Variants in NDST4 observed in about 807,000 individuals in gnomAD.
The protein encoded by NDST4 is N-heparan sulfate sulfotransferase 4.
In NDST4, 63 loss-of-function variants were observed where a neutral mutation model predicts 100.8. The ratio of observed to expected loss-of-function variants is 0.62; its 90% CI spans 0.51 to 0.77. The LOEUF (loss-of-function observed/expected upper bound fraction) is 0.77, where lower values mean the gene tolerates loss of function less well. Among genes scored for constraint, NDST4 ranks in the 30% least tolerant of loss-of-function variants. The probability of loss-of-function intolerance (pLI) is 0.00; values close to 1 mark genes in which losing one functional copy is unlikely to be tolerated. For synonymous variants in NDST4, 377 were observed against 361.8 expected (o/e 1.04, Z -0.48); for missense variants, 943 against 1,018.4 (o/e 0.93, Z 1.01).
chr4:114,863,899 AC>A (rs1235935590), intron 7 of NDST4, among the ~76,000 whole-genome samples: 1 of 152,242 alleles, frequency 6.6e-6, no homozygotes, highest in Non-Finnish European at 1.5e-5. Flanking sequence ...GGGCAGAAGC[AC>A]CCTTGGATAT....
chr4:114,863,112 T>C (rs180877226), intron 7 of NDST4, among the ~76,000 whole-genome samples: 1 of 152,340 alleles, frequency 6.6e-6, no homozygotes, highest in Admixed American at 6.5e-5. Flanking sequence ...AGACTTTTCC[T>C]ACTCTGACTT....
At chr4:114,887,253 A>T (rs1369725369) in intron 6 of NDST4, among the ~76,000 whole-genome samples, 1 of 152,210 alleles carries the variant, frequency 6.6e-6, no homozygotes, top group Non-Finnish European at 1.5e-5. Flanking sequence ...AAGTGGCAGC[A>T]AACTCTTTGT....
intron 2 of NDST4, among the ~76,000 whole-genome samples, chr4:114,977,937 T>C (rs2126244499): frequency 6.6e-6 from 1 of 152,146 alleles, no homozygotes; most frequent in Non-Finnish European, 1.5e-5. Flanking sequence ...GGAATTATAC[T>C]ATGTGAAAGT....
At chr4:114,838,609 GT>G (rs1283155014) in intron 11 of NDST4, among the ~76,000 whole-genome samples, 1 of 152,146 alleles carries the variant, frequency 6.6e-6, no homozygotes. Context: ...ATAAGTGGGA[GT>G]TGAACAATGA....
chr4:114,996,720 A>G (rs1411714263), intron 2 of NDST4, among the ~76,000 whole-genome samples: 5 of 152,090 alleles, frequency 3.3e-5, no homozygotes, highest in African/African-American at 1.2e-4. Flanking sequence ...AAGAAGACCG[A>G]TACTAAAAAT....
At chr4:114,971,790 C>T (rs2126241479) in intron 3 of NDST4, among the ~76,000 whole-genome samples, 1 of 152,172 alleles carries the variant, frequency 6.6e-6, no homozygotes, top group African/African-American at 2.4e-5. Flanking sequence ...ATGAGAGTAG[C>T]TCCATGAAAG....
intron 1 of NDST4, among the ~76,000 whole-genome samples, chr4:115,096,484 C>A (rs1224760584): frequency 2.6e-5 from 4 of 151,896 alleles, no homozygotes; most frequent in African/African-American, 9.7e-5. Context: ...TCATAGAGAG[C>A]ACAGTAGCAA....
At chr4:115,015,673 A>G (rs1173715847) in intron 2 of NDST4, among the ~76,000 whole-genome samples, 1 of 152,096 alleles carries the variant, frequency 6.6e-6, no homozygotes, top group Non-Finnish European at 1.5e-5. Flanking sequence ...ATAACCAAGT[A>G]GATAGTACTA....
At chr4:114,898,616 C>G (rs1336830247) in intron 6 of NDST4, among the ~76,000 whole-genome samples, 1 of 152,154 alleles carries the variant, frequency 6.6e-6, no homozygotes, top group East Asian at 1.9e-4. Flanking sequence ...TGTGCCGAAT[C>G]AAGTTGGGAG....
chr4:115,096,845 A>G (rs975397167), intron 1 of NDST4, among the ~76,000 whole-genome samples: 1 of 152,072 alleles, frequency 6.6e-6, no homozygotes, highest in African/African-American at 2.4e-5. Flanking sequence ...ACCTACTCCA[A>G]TCAGGCTTAC....
chr4:114,970,379 C>A (rs1301013926), intron 4 of NDST4, 51 bp downstream of exon 4: 1 of 1,525,172 alleles, frequency 6.6e-7, no homozygotes, highest in Non-Finnish European at 9.0e-7. Context: ...ACACTTCCAC[C>A]ACAAGATCAC....
intron 10 of NDST4, among the ~76,000 whole-genome samples, chr4:114,841,309 A>G: frequency 6.6e-6 from 1 of 152,328 alleles, no homozygotes; most frequent in African/African-American, 2.4e-5. Context: ...TGACATTTGT[A>G]GGAGTTTCTG....
At chr4:114,870,985 A>G (rs943557470) in intron 6 of NDST4, 35 bp from the exon 7 acceptor site, 2 of 1,554,896 alleles carry the variant, frequency 1.3e-6, no homozygotes, top group Non-Finnish European at 1.8e-6. Flanking sequence ...CAAAAATATC[A>G]TATGCTTAAG....
chr4:115,111,598 A>G (rs927672022), intron 1 of NDST4, among the ~76,000 whole-genome samples: 4 of 151,730 alleles, frequency 2.6e-5, no homozygotes, highest in African/African-American at 9.7e-5. Context: ...TATTTGCATT[A>G]ATCAATTTAA....
intron 2 of NDST4, among the ~76,000 whole-genome samples, chr4:115,021,344 T>C (rs149369957): frequency 4.7e-4 from 67 of 141,090 alleles, no homozygotes; most frequent in African/African-American, 1.7e-3. Context: ...ACATATTCCA[T>C]ATATACATAT....
intron 2 of NDST4, among the ~76,000 whole-genome samples, chr4:115,011,786 C>T (rs1038782070): frequency 6.6e-6 from 1 of 151,684 alleles, no homozygotes; most frequent in African/African-American, 2.4e-5. Flanking sequence ...CACATGGAAG[C>T]CAAATAACAG....
chr4:114,927,212 T>G (rs1174872220), intron 6 of NDST4, among the ~76,000 whole-genome samples: 1 of 132,360 alleles, frequency 7.6e-6, no homozygotes, highest in Non-Finnish European at 1.5e-5. Flanking sequence ...AAAATTAACT[T>G]GATTTGTGTG....
At position 114,869,213 on chromosome 4, in the gene NDST4, A is replaced by G. The variant is rs377334674; in HGVS notation, c.1719+1555T>C. Reference sequence around the variant, plus strand: ...TAATAAATACAATTCTTTATCTTAAAAATTTCAAATAATATCAAGAAATTT... The same window carrying G: ...TAATAAATACAATTCTTTATCTTAAGAATTTCAAATAATATCAAGAAATTT... On this transcript the variant is annotated intron_variant, in intron 7 of 13. Coordinates refer to ENST00000264363, the MANE Select transcript of NDST4 (RefSeq NM_022569.3). 7.9e-5 allele frequency among the ~76,000 whole-genome samples: 12 copies of G among 151,768 alleles called. No individual in the cohort carries two copies. The East Asian group carries it at 1.2e-3, about 15-fold the overall frequency.
intron 7 of NDST4, among the ~76,000 whole-genome samples, chr4:114,868,036 C>T (rs1258723140): frequency 6.6e-6 from 1 of 151,986 alleles, no homozygotes; most frequent in Non-Finnish European, 1.5e-5. Flanking sequence ...CATGAGGAAC[C>T]AAAGGAAATT....
Sources: allele counts gnomAD v4.1 joint callset (sites outside exome capture counted in the v4.1 genomes callset), GRCh38; gene constraint gnomAD v4.1.1; transcripts MANE v1.5; gene names NCBI Gene and HGNC (gene_info 2026-07-23, HGNC 2026-07-21).